The following DNER variants were observed in gnomAD, a reference collection of about 807,000 sequenced individuals.
The protein encoded by DNER is delta and Notch-like epidermal growth factor-related receptor.
DNER carries 33 observed loss-of-function variants against 78.2 expected under a neutral mutation model. That is an observed-to-expected ratio of 0.42 (90% CI 0.32 to 0.56). The LOEUF is 0.56. DNER is among the 20% of genes least tolerant of loss of function. The pLI, the probability that DNER is intolerant of heterozygous loss-of-function variation, is 0.11. For missense variants in DNER, 918 were observed against 975.3 expected, an observed-to-expected ratio of 0.94 and a Z score of 0.78; for synonymous variants, 417 against 384.8, an observed-to-expected ratio of 1.08 and a Z score of -0.98.
intron 8 of DNER, among the ~76,000 whole-genome samples, chr2:229,424,660 C>G (rs578080292): frequency 6.6e-6 from 1 of 152,222 alleles, no homozygotes; most frequent in East Asian, 1.9e-4. Context: ...CCCTTATAAT[C>G]TCATTGAACC....
chr2:229,363,033 C>T (rs1355623144), intron 12 of DNER, among the ~76,000 whole-genome samples: 2 of 152,206 alleles, frequency 1.3e-5, no homozygotes, highest in African/African-American at 4.8e-5. Context: ...GCACTTCTAG[C>T]TCGTAGAGCA....
At chr2:229,475,750 T>C (rs1490089866) in intron 7 of DNER, among the ~76,000 whole-genome samples, 3 of 152,174 alleles carry the variant, frequency 2.0e-5, no homozygotes, top group Admixed American at 6.5e-5. Flanking sequence ...AGAGGCCTGA[T>C]TGTAACTTTC....
intron 8 of DNER, among the ~76,000 whole-genome samples, chr2:229,421,659 A>AGAGAGG (rs61049506): frequency 0.59 from 84,753 of 144,400 alleles, 24,959 homozygotes; most frequent in South Asian, 0.73. Context: ...AGAGAGAGAG[A>AGAGAGG]GAGAAAGTGG....
intron 10 of DNER, among the ~76,000 whole-genome samples, chr2:229,391,744 T>C (rs1693020679): frequency 6.6e-6 from 1 of 152,078 alleles, no homozygotes; most frequent in South Asian, 2.1e-4. Context: ...GGTTTCACCA[T>C]GTTGCCCAGG....
At chr2:229,403,066 A>G (rs1427145014) in intron 10 of DNER, among the ~76,000 whole-genome samples, 1 of 152,208 alleles carries the variant, frequency 6.6e-6, no homozygotes, top group Admixed American at 6.5e-5. Flanking sequence ...AGCCAGTTTA[A>G]TATGGTAAAT....
At chr2:229,506,190 T>TGG (rs10657021) in intron 6 of DNER, among the ~76,000 whole-genome samples, 67,535 of 150,756 alleles carry the variant, frequency 0.45, 16,742 homozygotes, top group African/African-American at 0.68. Context: ...TCCACAGGGC[T>TGG]GGGGGGCCTC....
intron 4 of DNER, among the ~76,000 whole-genome samples, chr2:229,575,570 C>G (rs911484658): frequency 1.3e-5 from 2 of 152,168 alleles, no homozygotes; most frequent in African/African-American, 2.4e-5. Context: ...TCCTTTCTAA[C>G]CAACCTGATT....
intron 11 of DNER, among the ~76,000 whole-genome samples, chr2:229,373,211 A>G (rs1692526288): frequency 6.6e-6 from 1 of 152,234 alleles, no homozygotes; most frequent in Non-Finnish European, 1.5e-5. Flanking sequence ...GAAAGGTCTA[A>G]TACCCAGAAT....
At chr2:229,488,873 C>CGCA in intron 6 of DNER, among the ~76,000 whole-genome samples, 1 of 152,276 alleles carries the variant, frequency 6.6e-6, no homozygotes, top group South Asian at 2.1e-4. Context: ...GCTTGACAAT[C>CGCA]ACAACAATAT....
intron 1 of DNER, among the ~76,000 whole-genome samples, chr2:229,600,283 A>C (rs1252703268): frequency 6.6e-6 from 1 of 152,248 alleles, no homozygotes; most frequent in Non-Finnish European, 1.5e-5. Context: ...CCAGCAGTTG[A>C]GTACTGACAA....
At chr2:229,586,069 T>C (rs1219142961) in intron 3 of DNER, 45 bp from the exon 4 acceptor site, 1 of 1,562,798 alleles carries the variant, frequency 6.4e-7, no homozygotes, top group Admixed American at 2.0e-5. Context: ...TTCAGAAAAA[T>C]TCATCTTAGA....
At chr2:229,377,882 A>G (rs1217971321) in intron 11 of DNER, among the ~76,000 whole-genome samples, 1 of 152,214 alleles carries the variant, frequency 6.6e-6, no homozygotes, top group Non-Finnish European at 1.5e-5. Flanking sequence ...CCCAGAACCT[A>G]TCAATACATT....
chr2:229,591,551 T>TA lies in DNER; in HGVS notation c.585+28dup. 1.3e-6 allele frequency: 2 copies of TA among 1,578,302 alleles called. No homozygotes were observed. Among genetic ancestry groups the TA allele is most frequent in the Admixed American group, 3.6e-5 (2 of 55,170 alleles). ...ACTTTAAGATTTCTGGTTTCTAATG[T>TA]AAAAATGCACATGATATAACGTTCT... is the stretch of plus-strand genomic sequence containing the variant. On this transcript the variant is annotated intron_variant, in intron 2 of 12. Coordinates refer to ENST00000341772, the MANE Select transcript of DNER (RefSeq NM_139072.4). This position sits in a 1 kb window ranked among gnomAD's most constrained non-coding sequence, Gnocchi z 4.6.
At chr2:229,543,345 G>A (rs1394524276) in intron 5 of DNER, among the ~76,000 whole-genome samples, 1 of 152,122 alleles carries the variant, frequency 6.6e-6, no homozygotes, top group Non-Finnish European at 1.5e-5. Flanking sequence ...CCTTTTCAAT[G>A]AGTCCATTTG....
chr2:229,458,260 G>A (rs1694620548), intron 7 of DNER, among the ~76,000 whole-genome samples: 1 of 148,308 alleles, frequency 6.7e-6, no homozygotes, highest in Non-Finnish European at 1.5e-5. Flanking sequence ...TCAAGACTAA[G>A]AACATTATCT....
intron 5 of DNER, among the ~76,000 whole-genome samples, 197 bp downstream of exon 5, chr2:229,546,750 T>C (rs114615475): frequency 0.014 from 2,168 of 151,866 alleles, 53 homozygotes; most frequent in African/African-American, 0.049. Flanking sequence ...ACAAAAAGAA[T>C]GTATATATCA....
intron 6 of DNER, among the ~76,000 whole-genome samples, chr2:229,512,394 A>T (rs1180319843): frequency 6.6e-6 from 1 of 151,728 alleles, no homozygotes; most frequent in Admixed American, 6.6e-5. Flanking sequence ...AAAAAAAAAA[A>T]AATTAATTAA....
Position 229,485,612 on chromosome 2 carries a change from G to A in DNER, c.1148-8359C>T, listed in dbSNP as rs141248177. Among the ~76,000 whole-genome samples, 39 of 151,954 alleles carry A rather than the reference G, an allele frequency of 2.6e-4. No individual in the cohort carries two copies. In the East Asian group the frequency reaches 6.4e-3, roughly 25 times the overall value. On this transcript the variant is annotated intron_variant, in intron 6 of 12. Transcript: ENST00000341772. ...CCCCACCAACCCATATATCATTATCGACACCACCATTTCCCTTCAAATGAA... is the reference window on the plus strand; with the variant it reads ...CCCCACCAACCCATATATCATTATCAACACCACCATTTCCCTTCAAATGAA...
At position 229,376,647 on chromosome 2, in the gene DNER, G is replaced by C. The variant is rs1035246143; in HGVS notation, c.1856-9528C>G. On this transcript the variant is annotated intron_variant, in intron 11 of 12. Transcript: ENST00000341772. ...TCGTAGATCTGCATAAGGTAGTGTGGGTGCACCTTCAGGATATACTGTTAC... is the reference window on the plus strand; with the variant it reads ...TCGTAGATCTGCATAAGGTAGTGTGCGTGCACCTTCAGGATATACTGTTAC... Among the ~76,000 whole-genome samples the C allele has an allele frequency of 9.9e-5, 15 of 152,034 alleles. 1 individual carries two copies. Among genetic ancestry groups the C allele is most frequent in the African/African-American group, 3.6e-4 (15 of 41,364 alleles).
Sources: allele counts gnomAD v4.1 joint callset (sites outside exome capture counted in the v4.1 genomes callset), GRCh38; gene constraint gnomAD v4.1.1; non-coding constraint Gnocchi (gnomAD v3.1); transcripts MANE v1.5; gene names NCBI Gene and HGNC (gene_info 2026-07-23, HGNC 2026-07-21).